The following KCNN2 variants were observed in gnomAD, a reference collection of about 807,000 sequenced individuals.
KCNN2 encodes the protein potassium calcium-activated channel subfamily N member 2.
KCNN2 carries 24 observed loss-of-function variants against 55.5 expected under a neutral mutation model. That is an observed-to-expected ratio of 0.43 (90% confidence interval 0.31 to 0.61). KCNN2 has a LOEUF of 0.61. KCNN2 is among the 20% of genes least tolerant of loss of function. The pLI is 0.08. For synonymous variants in KCNN2, 431 were observed against 336.1 expected (o/e 1.28, Z -3.09); for missense variants, 754 against 853.6 (o/e 0.88, Z 1.45).
chr5:114,239,606 G>A (rs1055284653), intron 2 of KCNN2, among the ~76,000 whole-genome samples: 2 of 152,240 alleles, frequency 1.3e-5, no homozygotes, highest in East Asian at 1.9e-4. Context: ...AATTAAGGTC[G>A]TTTTTTGTTT....
At chr5:114,248,873 G>T (rs1008428324) in intron 2 of KCNN2, among the ~76,000 whole-genome samples, 20 of 152,192 alleles carry the variant, frequency 1.3e-4, no homozygotes, top group East Asian at 3.8e-4. Flanking sequence ...ACAGCATATA[G>T]TGTAGTAACC....
chr5:114,330,591 C>T (rs1756799964), intron 2 of KCNN2, among the ~76,000 whole-genome samples: 1 of 149,774 alleles, frequency 6.7e-6, no homozygotes, highest in South Asian at 2.2e-4. Flanking sequence ...TAATGTGTGC[C>T]TTTGTCAACA....
intron 1 of KCNN2, among the ~76,000 whole-genome samples, chr5:114,181,153 G>A (rs1367230898): frequency 1.3e-5 from 2 of 152,084 alleles, no homozygotes; most frequent in Non-Finnish European, 2.9e-5. Context: ...TACTGAAATT[G>A]CTTGGTCATA....
intron 3 of KCNN2, among the ~76,000 whole-genome samples, chr5:114,446,480 C>CA (rs1393154702): frequency 6.6e-6 from 1 of 152,096 alleles, no homozygotes; most frequent in Non-Finnish European, 1.5e-5. Context: ...TTTTTTGAGA[C>CA]AGAGTCTCGC....
At chr5:114,393,782 TA>T (rs1262522586) in intron 2 of KCNN2, among the ~76,000 whole-genome samples, 9 of 149,156 alleles carry the variant, frequency 6.0e-5, no homozygotes, top group Middle Eastern at 3.4e-3. Flanking sequence ...ACTTTGCTTT[TA>T]AAAAAAAAAC....
At chr5:114,195,057 C>T (rs1001272503) in intron 1 of KCNN2, among the ~76,000 whole-genome samples, 1 of 151,828 alleles carries the variant, frequency 6.6e-6, no homozygotes, top group Non-Finnish European at 1.5e-5. Context: ...ATAAGTCTAT[C>T]CTTGTGCCAG....
At chr5:114,475,966 TGTTCTG>T (rs1162852309) in intron 5 of KCNN2, among the ~76,000 whole-genome samples, 1 of 152,214 alleles carries the variant, frequency 6.6e-6, no homozygotes, top group African/African-American at 2.4e-5. Flanking sequence ...CATTAAGTAC[TGTTCTG>T]GTTTCAAATT....
chr5:114,279,129 A>G (rs1186921443), intron 2 of KCNN2, among the ~76,000 whole-genome samples: 1 of 152,070 alleles, frequency 6.6e-6, no homozygotes, highest in Non-Finnish European at 1.5e-5. Context: ...CTGTAATAAT[A>G]ATGCCCTTGC....
intron 1 of KCNN2, among the ~76,000 whole-genome samples, chr5:114,178,385 T>A (rs562109884): frequency 2.6e-4 from 40 of 152,304 alleles, no homozygotes; most frequent in African/African-American, 9.1e-4. Flanking sequence ...CACACACAGC[T>A]CAGCTATGTA....
At chr5:114,162,095 C>A (rs1038912333) in intron 1 of KCNN2, among the ~76,000 whole-genome samples, 2 of 152,130 alleles carry the variant, frequency 1.3e-5, no homozygotes. Flanking sequence ...TTAGAGTTTC[C>A]GGTTTTTCTG....
upstream of KCNN2, among the ~76,000 whole-genome samples, chr5:114,361,633 C>T (rs753821583): frequency 5.8e-5 from 6 of 103,046 alleles, no homozygotes; most frequent in Non-Finnish European, 2.0e-5. Context: ...GGTTCCACAC[C>T]GTCCCTGAGC....
intron 2 of KCNN2, among the ~76,000 whole-genome samples, chr5:114,281,376 C>T (rs1413805450): frequency 6.6e-6 from 1 of 152,102 alleles, no homozygotes; most frequent in Non-Finnish European, 1.5e-5. Context: ...GAAAGTTACA[C>T]TTAAATTGGC....
chr5:114,343,554 G>C (rs1330936139), intron 2 of KCNN2, among the ~76,000 whole-genome samples: 1 of 152,090 alleles, frequency 6.6e-6, no homozygotes, highest in Non-Finnish European at 1.5e-5. Flanking sequence ...TTTAGGGTCT[G>C]CTTTACTAGG....
At chr5:114,121,926 C>T (rs561563566) in intron 1 of KCNN2, among the ~76,000 whole-genome samples, 26 of 152,268 alleles carry the variant, frequency 1.7e-4, no homozygotes, top group African/African-American at 6.3e-4. Flanking sequence ...CTTAAGAGTT[C>T]AAAGAAGACA....
intron 2 of KCNN2, among the ~76,000 whole-genome samples, chr5:114,339,600 C>A (rs977262054): frequency 3.3e-5 from 5 of 151,696 alleles, no homozygotes; most frequent in Non-Finnish European, 5.9e-5. Context: ...CTCACAAGTT[C>A]GAGACCACCT....
intron 2 of KCNN2, among the ~76,000 whole-genome samples, chr5:114,259,778 C>G (rs1384573040): frequency 6.6e-6 from 1 of 152,186 alleles, no homozygotes; most frequent in African/African-American, 2.4e-5. Context: ...TAGCCCGTCT[C>G]TACCAGCCTC....
chr5:114,359,440 A>G (rs953527937), upstream of KCNN2, among the ~76,000 whole-genome samples: 6 of 152,190 alleles, frequency 3.9e-5, no homozygotes, highest in African/African-American at 1.4e-4. Flanking sequence ...TACAGCATAG[A>G]GATATACATG....
At chr5:114,150,441 A>G (rs538609154) in intron 1 of KCNN2, among the ~76,000 whole-genome samples, 1 of 152,344 alleles carries the variant, frequency 6.6e-6, no homozygotes, top group South Asian at 2.1e-4. Flanking sequence ...AGAGAAAGTA[A>G]AAATGTTTGG....
intron 2 of KCNN2, among the ~76,000 whole-genome samples, chr5:114,251,090 A>G (rs994609158): frequency 6.6e-6 from 1 of 152,188 alleles, no homozygotes; most frequent in African/African-American, 2.4e-5. Context: ...AATGCGGTAC[A>G]TTGCATCCTG....
Sources: allele counts gnomAD v4.1 joint callset (sites outside exome capture counted in the v4.1 genomes callset), GRCh38; gene constraint gnomAD v4.1.1; transcripts MANE v1.5; gene names NCBI Gene and HGNC (gene_info 2026-07-23, HGNC 2026-07-21).